ATM: variants seen among roughly 807,000 people sequenced by gnomAD.
The protein encoded by ATM is ATM serine/threonine kinase.
In ATM, 308 loss-of-function variants were observed where a neutral mutation model predicts 387.0. That is an observed-to-expected ratio of 0.80 (90% CI 0.73 to 0.87). The LOEUF (loss-of-function observed/expected upper bound fraction) is 0.87. Among genes scored for constraint, ATM ranks in the 40% least tolerant of loss-of-function variants. ATM has a pLI of 0.00. For missense variants in ATM, 3,312 were observed against 3,560.9 expected, an observed-to-expected ratio of 0.93 and a Z score of 1.78; for synonymous variants, 1,156 against 1,187.3, an observed-to-expected ratio of 0.97 and a Z score of 0.54.
chr11:108,321,104 C>T (rs2085172913), intron 44 of ATM, among the ~76,000 whole-genome samples, 197 bp from the exon 45 acceptor site: 2 of 152,088 alleles, frequency 1.3e-5, no homozygotes, highest in Admixed American at 6.5e-5. Context: ...GTAAGTGGAC[C>T]ATGCATTTAA....
chr11:108,223,460 G>A (rs1311267922), intron 1 of ATM: 2 of 152,216 alleles, frequency 1.3e-5, no homozygotes, highest in Non-Finnish European at 2.9e-5. Context: ...TACGCGACTT[G>A]ACTAGTCATC....
intron 45 of ATM, among the ~76,000 whole-genome samples, chr11:108,322,819 A>G (rs558936767): frequency 1.3e-5 from 2 of 151,774 alleles, no homozygotes; most frequent in South Asian, 4.2e-4. Context: ...TTTGCACAGC[A>G]TGTTACACTC....
Position 108,310,146 on chromosome 11 carries a change from T to A in ATM, c.5763-14T>A, listed in dbSNP as rs1260574403. ...TTAAAAAAGTGAATGACATTATATC[T>A]CATTTTTCTTTAGACCTTCTTCAGG... is the stretch of plus-strand genomic sequence containing the variant. On this transcript the variant is annotated splice_polypyrimidine_tract_variant and intron_variant, in intron 38 of 62. Transcript: ENST00000675843. 6.2e-7 allele frequency: 1 copy of A among 1,609,904 alleles called. No individual in the cohort carries two copies. The highest frequency in any genetic ancestry group is 1.7e-5 in the Admixed American group (1 of 59,954).
intron 8 of ATM, among the ~76,000 whole-genome samples, chr11:108,247,357 A>G (rs954804792): frequency 6.6e-6 from 1 of 152,140 alleles, no homozygotes; most frequent in Non-Finnish European, 1.5e-5. Context: ...TCATTCTTAA[A>G]TGATTGTCTC....
At chr11:108,355,714 A>AG in intron 61 of ATM, 1 of 152,228 alleles carries the variant, frequency 6.6e-6, no homozygotes, top group East Asian at 1.9e-4. Context: ...AATTCAAACC[A>AG]GGTTTCTAGA....
At chr11:108,234,699 G>A (rs1352112200) in intron 4 of ATM, among the ~76,000 whole-genome samples, 1 of 151,880 alleles carries the variant, frequency 6.6e-6, no homozygotes. Context: ...AATTAGCTGG[G>A]CATGGTGGCA....
rs1427548500 is a variant in ATM at position 108,284,232 on chromosome 11, G to C, written c.3752G>C (p.Cys1251Ser). 6.2e-7 allele frequency: 1 copy of C among 1,606,628 alleles called. No homozygotes were observed. ...TTAAATTTTTCTATTTTTAGATCTT[G>C]TTATAAGGTTTTGATTCCACATCTG... ...YTNIEDFYRSCYKVLIPHLVI... is the reference protein window; with the variant it reads ...YTNIEDFYRSSYKVLIPHLVI... The change falls in exon 26 of 63, where the codon TGT (cysteine) becomes TCT (serine). Residue 1251 changes from cysteine (C) to serine (S), a missense_variant. Coordinates refer to ENST00000675843, the MANE Select transcript of ATM (RefSeq NM_000051.4).
intron 40 of ATM, among the ~76,000 whole-genome samples, chr11:108,313,936 C>A (rs1025417120): frequency 6.6e-6 from 1 of 151,900 alleles, no homozygotes; most frequent in African/African-American, 2.4e-5. Context: ...CAGAATATAT[C>A]TTTTCTGTGT....
At position 108,281,117 on chromosome 11, in the gene ATM, C is replaced by T; in HGVS notation, c.3525C>T (p.Ala1175=). The change falls in exon 24 of 63, where the codon GCC becomes GCT. Residue 1175 remains alanine (A), a synonymous_variant. Transcript: ENST00000675843. ...TCTGCGAAAAACAGGCTTTGTTTGC[C>T]CTGTGTAAATCTGTGAAAGAGAATG... ...SPICEKQALF[A]LCKSVKENGL... 6.2e-7 allele frequency: 1 copy of T among 1,613,718 alleles called. No homozygotes were observed. The highest frequency in any genetic ancestry group is 8.5e-7 in the Non-Finnish European group (1 of 1,179,924).
chr11:108,281,451 G>A (rs2082228339), intron 24 of ATM, among the ~76,000 whole-genome samples: 1 of 152,300 alleles, frequency 6.6e-6, no homozygotes, highest in East Asian at 1.9e-4. Context: ...TTTGGAAATA[G>A]TATTTATTGA....
chr11:108,299,990 T>A (rs1186275518), intron 34 of ATM, 105 bp downstream of exon 34: 5 of 1,106,922 alleles, frequency 4.5e-6, no homozygotes, highest in Non-Finnish European at 5.3e-6. Context: ...TGTCCTTTTT[T>A]AAATCTCAGT....
In ATM at chr11:108,368,189, TGACA is replaced by T. The variant is rs1178571809; in HGVS notation, c.*2684_*2687del. On this transcript the variant is annotated 3_prime_UTR_variant, in exon 63 of 63. Coordinates refer to ENST00000675843, the MANE Select transcript of ATM (RefSeq NM_000051.4). ...CTAGGAGAAATAACTAATTCACAGA[TGACA>T]GAATTAAGATTATAAAAGATTTTTT... 3 of 205,718 alleles carry T rather than the reference TGACA, an allele frequency of 1.5e-5. No homozygotes were observed. Among genetic ancestry groups the T allele is most frequent in the Admixed American group, 6.0e-5 (1 of 16,658 alleles). The allele number at this position is 205,718 out of a possible 1,614,324, so 12.7% of individuals were successfully genotyped here. A position where few individuals can be genotyped will look rare whatever the true frequency, so the allele number is the denominator to read the frequency against.
At chr11:108,295,093 C>G (rs377062787) in intron 32 of ATM, 34 bp downstream of exon 32, 1 of 1,612,284 alleles carries the variant, frequency 6.2e-7, no homozygotes, top group African/African-American at 1.3e-5. Flanking sequence ...CTATTTCTAC[C>G]TGTTTCTTTT....
Position 108,366,775 on chromosome 11 carries a change from T to C in ATM, c.*1267T>C, listed in dbSNP as rs1397292114. ...GTGGGCAGAATATTTGATTGATGCC[T>C]TTTTCACTGAGAGTATAAGCTTCCA... On this transcript the variant is annotated 3_prime_UTR_variant, in exon 63 of 63. Coordinates refer to ENST00000675843, the MANE Select transcript of ATM (RefSeq NM_000051.4). The C allele has an allele frequency of 8.8e-6, 2 of 227,926 alleles. No individual in the cohort carries two copies. Among genetic ancestry groups the C allele is most frequent in the East Asian group, 6.2e-5 (1 of 16,034 alleles). 14.1% of individuals were successfully genotyped at this position (227,926 alleles called of 1,614,324 possible). A position where few individuals can be genotyped will look rare whatever the true frequency, so the allele number is the denominator to read the frequency against.
chr11:108,227,610 C>T lies in ATM; in HGVS notation c.-15C>T, dbSNP rs1204830852. ...TTTTTTACAGACAGTGATGTGTGTT[C>T]TGAAATTGTGAACCATGAGTCTAGT... On this transcript the variant is annotated 5_prime_UTR_variant, in exon 2 of 63. Transcript: ENST00000675843. 1.2e-6 allele frequency: 2 copies of T among 1,611,676 alleles called. No individual in the cohort carries two copies. The highest frequency in any genetic ancestry group is 1.7e-4 in the Middle Eastern group (1 of 6,052).
rs886047628 is a variant in ATM, at chr11:108,368,443, C to T, written c.*2935C>T. ...CTAAGTCACTGACCCATATTATGTACAGCATTTCTGATCTTTACTTTGCAA... is the reference window on the plus strand; with the variant it reads ...CTAAGTCACTGACCCATATTATGTATAGCATTTCTGATCTTTACTTTGCAA... On this transcript the variant is annotated 3_prime_UTR_variant, in exon 63 of 63. Transcript: ENST00000675843. The T allele has an allele frequency of 4.7e-6, 1 of 213,440 alleles. No individual in the cohort carries two copies. Among genetic ancestry groups the T allele is most frequent in the Admixed American group, 5.8e-5 (1 of 17,112 alleles). 13.2% of individuals were successfully genotyped at this position (213,440 alleles called of 1,614,324 possible).
At chr11:108,335,670 G>A (rs1395895174) in intron 55 of ATM, among the ~76,000 whole-genome samples, 175 bp from the exon 56 acceptor site, 2 of 152,200 alleles carry the variant, frequency 1.3e-5, no homozygotes, top group Non-Finnish European at 2.9e-5. Context: ...CAGTGTAAAT[G>A]TTGTAGCTTA....
At chr11:108,355,094 G>A in intron 61 of ATM, 1 of 561,550 alleles carries the variant, frequency 1.8e-6, no homozygotes, top group South Asian at 2.2e-5. Context: ...GAATGTTAGA[G>A]CATTGTAAGT....
rs1383606113 is a variant in ATM, at chr11:108,349,148, A to C, written c.8671+1783A>C. On this transcript the variant is annotated intron_variant, in intron 59 of 62. Transcript: ENST00000675843. ...AAAAAACTGAGAAGTACTCAAAGGAAGTCAGGATCTTGGAAGGCAAGAGGG... is the reference window on the plus strand; with the variant it reads ...AAAAAACTGAGAAGTACTCAAAGGACGTCAGGATCTTGGAAGGCAAGAGGG... 6.6e-6 allele frequency among the ~76,000 whole-genome samples: 1 copy of C among 152,234 alleles called. No individual in the cohort carries two copies. Among genetic ancestry groups the C allele is most frequent in the Admixed American group, 6.5e-5 (1 of 15,282 alleles).
Sources: allele counts gnomAD v4.1 joint callset (sites outside exome capture counted in the v4.1 genomes callset), GRCh38; gene constraint gnomAD v4.1.1; transcripts MANE v1.5; gene names NCBI Gene and HGNC (gene_info 2026-07-23, HGNC 2026-07-21).